PARVB: variants seen among roughly 807,000 people sequenced by gnomAD.
The protein encoded by PARVB is beta-parvin.
Under a neutral mutation model 47.0 loss-of-function variants are expected in PARVB, and 46 were observed. The observed-to-expected ratio is 0.98, with a 90% CI of 0.77 to 1.25. The LOEUF is 1.25. PARVB is among the 50% of genes most tolerant of loss of function. The pLI is 0.00. For synonymous variants in PARVB, 196 were observed against 196.3 expected (o/e 1.00, Z 0.01); for missense variants, 473 against 471.6 (o/e 1.00, Z -0.03).
intron 3 of PARVB, among the ~76,000 whole-genome samples, chr22:44,118,068 G>A (rs1453855111): frequency 1.3e-5 from 2 of 152,132 alleles, no homozygotes; most frequent in Non-Finnish European, 1.5e-5. Flanking sequence ...GGCTGGCCTG[G>A]AAAAATGAAA....
rs546290064 is a variant in PARVB at position 44,009,808 on chromosome 22, C to CT, written c.211+10152dup. Among the ~76,000 whole-genome samples the CT allele has an allele frequency of 4.8e-3, 632 of 132,852 alleles. 2 individuals are homozygous for CT. The highest frequency in any genetic ancestry group is 6.6e-3 in the African/African-American group (234 of 35,200). The allele number at this position is 132,852 out of a possible 152,430, so 87.2% of individuals were successfully genotyped here. ...TGCATACACATGTGTGCATATGAAT[C>CT]TTTTTTTTTTTTTTTTTGAGACGGA... On this transcript the variant is annotated intron_variant, in intron 2 of 13. Coordinates refer to the PARVB transcript ENST00000406477.
At chr22:44,043,553 A>G (rs898472544) in intron 1 of PARVB, among the ~76,000 whole-genome samples, 10 of 151,438 alleles carry the variant, frequency 6.6e-5, no homozygotes, top group African/African-American at 2.2e-4. Context: ...AATTTTTTGT[A>G]TTTTTCGTAG....
At chr22:44,046,983 G>A (rs554775334) in intron 1 of PARVB, among the ~76,000 whole-genome samples, 9 of 152,272 alleles carry the variant, frequency 5.9e-5, no homozygotes, top group Admixed American at 2.6e-4. Context: ...GGGATGGCCC[G>A]GGGGCCGTAG....
intron 12 of PARVB, among the ~76,000 whole-genome samples, chr22:44,166,569 G>A (rs867773707): frequency 6.6e-6 from 1 of 152,232 alleles, no homozygotes; most frequent in African/African-American, 2.4e-5. Context: ...ACGGACGTGT[G>A]GAAACCAGGC....
chr22:44,120,131 G>A (rs1023864523), intron 4 of PARVB, among the ~76,000 whole-genome samples: 11 of 152,216 alleles, frequency 7.2e-5, no homozygotes, highest in African/African-American at 1.4e-4. Flanking sequence ...TCTTGAGCCC[G>A]GCCGCGGGGC....
rs565144566 is a variant in PARVB at position 44,068,974 on chromosome 22, G to A, written c.113-24954G>A. The A allele has an allele frequency of 1.2e-5, 8 of 644,082 alleles. No homozygotes were observed. The highest frequency in any genetic ancestry group is 3.7e-5 in the African/African-American group (2 of 54,764). 39.9% of individuals were successfully genotyped at this position (644,082 alleles called of 1,614,324 possible). On this transcript the variant is annotated intron_variant, in intron 1 of 12. Transcript: ENST00000338758. The surrounding 1 kb of genome is among the most constrained non-coding windows in gnomAD (Gnocchi z 4.1). ...AAGGAGCTATCGCTGGAAACACCCC[G>A]GTCCTTCCACAGCCTGACCCTCTGT...
At chr22:44,080,629 A>G (rs2051879282) in intron 1 of PARVB, among the ~76,000 whole-genome samples, 1 of 152,204 alleles carries the variant, frequency 6.6e-6, no homozygotes, top group Admixed American at 6.5e-5. Context: ...GCAAAGTCAC[A>G]GTTTCCTGGG....
chr22:44,026,345 G>C (rs1222212740), intron 1 of PARVB: 51 of 985,388 alleles, frequency 5.2e-5, no homozygotes, highest in Non-Finnish European at 6.0e-5. Flanking sequence ...GGAGCAGGAC[G>C]CCGGGCACTG....
intron 4 of PARVB, among the ~76,000 whole-genome samples, chr22:44,129,938 G>A (rs997844933): frequency 2.0e-5 from 3 of 152,224 alleles, no homozygotes; most frequent in Non-Finnish European, 4.4e-5. Context: ...CATGATCGAA[G>A]GGGTATTCCG....
At chr22:44,001,852 G>C (rs1302893480) in intron 2 of PARVB, among the ~76,000 whole-genome samples, 1 of 152,188 alleles carries the variant, frequency 6.6e-6, no homozygotes, top group Non-Finnish European at 1.5e-5. Context: ...TTCAGGCCTG[G>C]ACCCAATCAC....
At chr22:44,161,276 T>G (rs1189738490) in intron 11 of PARVB, among the ~76,000 whole-genome samples, 1 of 150,836 alleles carries the variant, frequency 6.6e-6, no homozygotes, top group Non-Finnish European at 1.5e-5. Flanking sequence ...CCTGGTTCCA[T>G]GCCTGTGAGC....
rs1401375738 is a variant in PARVB, at chr22:44,068,658, T to G, written c.113-25270T>G. On this transcript the variant is annotated intron_variant, in intron 1 of 12. Coordinates refer to ENST00000338758, the MANE Select transcript of PARVB (RefSeq NM_013327.5). This position sits in a 1 kb window ranked among gnomAD's most constrained non-coding sequence, Gnocchi z 4.1. ...CGGGAGATGCAGCTGGGGTGGCACG[T>G]GCCCACAGTGGTGCCACCTCTTGCC... Among the ~76,000 whole-genome samples, 2 of 152,216 alleles carry G rather than the reference T, an allele frequency of 1.3e-5. No homozygotes were observed. Among genetic ancestry groups the G allele is most frequent in the East Asian group, 3.9e-4 (2 of 5,186 alleles).
chr22:44,168,695 G>T lies in PARVB; in HGVS notation c.*17G>T. ...GTGGAGTGACGGGGGAGCTGTGGAT[G>T]GTGGCAGGAGTGTCCCAGCAAGAAA... On this transcript the variant is annotated 3_prime_UTR_variant, in exon 13 of 13. Coordinates refer to ENST00000338758, the MANE Select transcript of PARVB (RefSeq NM_013327.5). The T allele has an allele frequency of 6.4e-7, 1 of 1,556,820 alleles. No individual in the cohort carries two copies. The highest frequency in any genetic ancestry group is 8.9e-7 in the Non-Finnish European group (1 of 1,128,088).
At chr22:44,102,887 A>C (rs910619268) in intron 3 of PARVB, 6 of 152,320 alleles carry the variant, frequency 3.9e-5, no homozygotes, top group African/African-American at 1.4e-4. Flanking sequence ...CCCCACCCCC[A>C]GGTGCTGGGG....
intron 12 of PARVB, among the ~76,000 whole-genome samples, chr22:44,165,217 C>G (rs553305327): frequency 1.3e-5 from 2 of 152,194 alleles, no homozygotes; most frequent in Non-Finnish European, 2.9e-5. Context: ...AGACTGGTCT[C>G]GAACTTCTGG....
chr22:44,122,528 C>CAGAGAG (rs1286346736), intron 4 of PARVB, among the ~76,000 whole-genome samples: 15 of 56,148 alleles, frequency 2.7e-4, no homozygotes, highest in South Asian at 7.0e-4. Context: ...GACAGAGAGA[C>CAGAGAG]AGAGAGAGAG....
At chr22:44,100,160 G>C in intron 3 of PARVB, 37 bp downstream of exon 3, 1 of 1,544,724 alleles carries the variant, frequency 6.5e-7, no homozygotes, top group Non-Finnish European at 9.0e-7. Flanking sequence ...CTTCCTCTTA[G>C]GGCGAGGACT....
upstream of PARVB, among the ~76,000 whole-genome samples, chr22:44,021,663 T>C (rs1336452913): frequency 3.3e-5 from 5 of 151,892 alleles, no homozygotes; most frequent in Non-Finnish European, 7.4e-5. Context: ...TGCATAAATA[T>C]CATCATCTCA....
At chr22:44,021,868 G>A (rs1275719572), upstream of PARVB, among the ~76,000 whole-genome samples, 2 of 151,646 alleles carry the variant, frequency 1.3e-5, no homozygotes, top group African/African-American at 2.4e-5. Context: ...TACAGGCCGA[G>A]GAACATGGAA....
Sources: allele counts gnomAD v4.1 joint callset (sites outside exome capture counted in the v4.1 genomes callset), GRCh38; gene constraint gnomAD v4.1.1; non-coding constraint Gnocchi (gnomAD v3.1); transcripts MANE v1.5; gene names NCBI Gene and HGNC (gene_info 2026-07-23, HGNC 2026-07-21).